The following TTC28 variants were observed in gnomAD, a reference collection of about 807,000 sequenced individuals.
TTC28 encodes tetratricopeptide repeat protein 28.
TTC28 carries 61 observed loss-of-function variants against 198.0 expected under a neutral mutation model. The observed-to-expected ratio is 0.31, with a 90% CI of 0.25 to 0.38. The LOEUF is 0.38. Among genes scored for constraint, TTC28 ranks in the 10% least tolerant of loss-of-function variants. TTC28 has a pLI of 1.00. For missense variants in TTC28, 2,678 were observed against 3,164.0 expected (o/e 0.85, Z 3.69); for synonymous variants, 1,171 against 1,297.8 (o/e 0.90, Z 2.10).
chr22:28,552,649 A>C (rs541416056), intron 2 of TTC28, among the ~76,000 whole-genome samples: 60 of 152,250 alleles, frequency 3.9e-4, no homozygotes, highest in Admixed American at 1.8e-3. Flanking sequence ...TATTCAACAA[A>C]AGGTGCTGGG....
chr22:28,553,173 A>C (rs2049717925), intron 2 of TTC28, among the ~76,000 whole-genome samples: 1 of 152,094 alleles, frequency 6.6e-6, no homozygotes, highest in Non-Finnish European at 1.5e-5. Context: ...TTGGCCTCCC[A>C]AAGTGCCAAG....
chr22:28,386,696 A>C (rs2046603742), intron 2 of TTC28, among the ~76,000 whole-genome samples: 1 of 152,186 alleles, frequency 6.6e-6, no homozygotes, highest in African/African-American at 2.4e-5. Flanking sequence ...AGAAGCCACT[A>C]AATATTTAAT....
intron 1 of TTC28, among the ~76,000 whole-genome samples, chr22:28,655,845 C>T (rs1305624763): frequency 6.7e-6 from 1 of 148,462 alleles, no homozygotes; most frequent in African/African-American, 2.5e-5. Flanking sequence ...AGCAAGACTC[C>T]GTCTCAAAAA....
intron 2 of TTC28, among the ~76,000 whole-genome samples, chr22:28,405,829 C>T (rs906156891): frequency 1.3e-5 from 2 of 152,218 alleles, no homozygotes; most frequent in Admixed American, 1.3e-4. Context: ...GTTACCACCC[C>T]CTTTCTAGAA....
At chr22:28,056,646 A>C (rs1029105634) in intron 12 of TTC28, among the ~76,000 whole-genome samples, 1 of 152,198 alleles carries the variant, frequency 6.6e-6, no homozygotes, top group Non-Finnish European at 1.5e-5. Flanking sequence ...TATACAATAA[A>C]AAATATAAAT....
chr22:28,309,591 C>A (rs1216275045), intron 2 of TTC28, among the ~76,000 whole-genome samples: 3 of 152,190 alleles, frequency 2.0e-5, no homozygotes, highest in African/African-American at 7.2e-5. Context: ...TAATGTTTAT[C>A]TTATTATCAC....
rs2047734273 is a variant in TTC28 at position 28,448,566 on chromosome 22, G to A, written c.382-141923C>T. On this transcript the variant is annotated intron_variant, in intron 2 of 22. Transcript: ENST00000397906. The stretch of plus-strand genomic sequence containing the variant: ...CTCTAAATTGTGTTCAAGTATCTAA[G>A]GAGGTGTTAGAAAAATAAAGGGACA... 2.0e-5 allele frequency among the ~76,000 whole-genome samples: 3 copies of A among 152,132 alleles called. No homozygotes were observed. The South Asian group carries it at 6.2e-4, about 31-fold the overall frequency.
Position 28,240,167 on chromosome 22 carries a change from A to G in TTC28, c.933+56031T>C, listed in dbSNP as rs545562066. 5.3e-5 allele frequency among the ~76,000 whole-genome samples: 8 copies of G among 152,364 alleles called. No individual in the cohort carries two copies. In the South Asian group the frequency reaches 1.7e-3, roughly 32 times the overall value. On this transcript the variant is annotated intron_variant, in intron 5 of 22. Coordinates refer to ENST00000397906, the MANE Select transcript of TTC28 (RefSeq NM_001145418.2). The stretch of plus-strand genomic sequence containing the variant: ...TATGTGCCCTCAGGCAAAGACAAAA[A>G]CAATCCTTAGGAAATACTGAATGTG...
At chr22:28,318,233 A>C (rs936099561) in intron 2 of TTC28, among the ~76,000 whole-genome samples, 1 of 151,970 alleles carries the variant, frequency 6.6e-6, no homozygotes, top group Admixed American at 6.6e-5. Flanking sequence ...CATCATCCCC[A>C]TTACTGCTGA....
intron 2 of TTC28, among the ~76,000 whole-genome samples, chr22:28,405,028 TTAATAAAGAATTCTA>T (rs1199845272): frequency 6.6e-6 from 1 of 152,172 alleles, no homozygotes; most frequent in African/African-American, 2.4e-5. Context: ...CTCGGAGCAA[TTAATAAAGAATTCTA>T]TCTTCACACA....
intron 2 of TTC28, among the ~76,000 whole-genome samples, chr22:28,403,796 A>G (rs2046956380): frequency 6.6e-6 from 1 of 152,224 alleles, no homozygotes; most frequent in Non-Finnish European, 1.5e-5. Context: ...TCTTGCCATC[A>G]AAGGTAAACA....
At chr22:27,986,437 A>C (rs940462844) in intron 21 of TTC28, 1 of 152,254 alleles carries the variant, frequency 6.6e-6, no homozygotes, top group African/African-American at 2.4e-5. Context: ...GAACAGACTA[A>C]TACAGACAGG....
chr22:28,244,295 T>C (rs1282960506), intron 5 of TTC28, among the ~76,000 whole-genome samples: 1 of 152,166 alleles, frequency 6.6e-6, no homozygotes, highest in Non-Finnish European at 1.5e-5. Context: ...CAGCCACTGC[T>C]TTAACACACA....
intron 1 of TTC28, among the ~76,000 whole-genome samples, chr22:28,631,190 C>G (rs1445110681): frequency 6.6e-6 from 1 of 152,058 alleles, no homozygotes; most frequent in Non-Finnish European, 1.5e-5. Context: ...ACTAAATTAC[C>G]TCTAGAAAGG....
intron 2 of TTC28, among the ~76,000 whole-genome samples, chr22:28,358,424 T>A (rs1475597508): frequency 6.6e-6 from 1 of 152,220 alleles, no homozygotes; most frequent in Non-Finnish European, 1.5e-5. Context: ...ACAGCATTAC[T>A]TGTCATGAAG....
intron 6 of TTC28, among the ~76,000 whole-genome samples, chr22:28,153,723 A>G (rs1478634556): frequency 6.6e-6 from 1 of 152,250 alleles, no homozygotes; most frequent in African/African-American, 2.4e-5. Context: ...CAGGTGAACA[A>G]ATGAACTAAC....
At chr22:28,641,411 CA>C (rs2051363749) in intron 1 of TTC28, among the ~76,000 whole-genome samples, 1 of 151,944 alleles carries the variant, frequency 6.6e-6, no homozygotes, top group Non-Finnish European at 1.5e-5. Context: ...AAGCAAGTCA[CA>C]AAAGGCCATA....
At position 28,629,712 on chromosome 22, in the gene TTC28, A is replaced by G; in HGVS notation, c.221T>C (p.Phe74Ser). ...ATTATACAGAACAATAGCTGTGTGG[A>G]AATCTCCATCATGACAGGCCTGATT... is the stretch of plus-strand genomic sequence containing the variant. The part of the protein sequence containing the change: ...QSNQACHDGD[F>S]HTAIVLYNEA... The change falls in exon 2 of 23, where the codon TTC (phenylalanine) becomes TCC (serine). Residue 74 changes from phenylalanine (F) to serine (S), a missense_variant. By Grantham distance (155) the Phe-to-Ser change is radical (BLOSUM62 -2). Transcript: ENST00000397906. 6.4e-7 allele frequency: 1 copy of G among 1,551,700 alleles called. No individual in the cohort carries two copies. Among genetic ancestry groups the G allele is most frequent in the Non-Finnish European group, 8.7e-7 (1 of 1,146,990 alleles).
intron 2 of TTC28, among the ~76,000 whole-genome samples, chr22:28,452,579 C>T (rs1601416025): frequency 6.6e-6 from 1 of 152,096 alleles, no homozygotes; most frequent in East Asian, 1.9e-4. Flanking sequence ...CTTAACTCTA[C>T]ACTTATGAAT....
Sources: allele counts gnomAD v4.1 joint callset (sites outside exome capture counted in the v4.1 genomes callset), GRCh38; gene constraint gnomAD v4.1.1; transcripts MANE v1.5; gene names NCBI Gene and HGNC (gene_info 2026-07-23, HGNC 2026-07-21).